The following TRAPPC12 variants were observed in gnomAD, a reference collection of about 807,000 sequenced individuals.
The protein encoded by TRAPPC12 is trafficking protein particle complex subunit 12, also known as TPR repeat protein 15.
A neutral mutation model predicts 69.2 loss-of-function variants in TRAPPC12; 61 were observed. That is an observed-to-expected ratio of 0.88 (90% CI 0.72 to 1.09). TRAPPC12 has a LOEUF of 1.09. Among genes scored for constraint, TRAPPC12 ranks in the 50% least tolerant of loss-of-function variants. The pLI is 0.00. For missense variants in TRAPPC12, 1,101 were observed against 1,016.4 expected (o/e 1.08, Z -1.13); for synonymous variants, 469 against 438.9 (o/e 1.07, Z -0.86).
intron 3 of TRAPPC12, among the ~76,000 whole-genome samples, chr2:3,412,663 G>T (rs752564087): frequency 7.2e-5 from 11 of 152,178 alleles, no homozygotes; most frequent in Non-Finnish European, 1.5e-4. Context: ...GCGTGTGAGG[G>T]CTCGGCGACA....
intron 6 of TRAPPC12, among the ~76,000 whole-genome samples, chr2:3,444,213 CCT>C (rs1448490082): frequency 2.0e-5 from 3 of 152,344 alleles, no homozygotes; most frequent in African/African-American, 4.8e-5. Context: ...CCAGACCACC[CCT>C]GTGTCCCACA....
Position 3,387,664 on chromosome 2 carries a change from A to C in TRAPPC12, c.41A>C (p.Glu14Ala). The C allele has an allele frequency of 6.4e-7, 1 of 1,550,498 alleles. No homozygotes were observed. Among genetic ancestry groups the C allele is most frequent in the Non-Finnish European group, 8.7e-7 (1 of 1,146,366 alleles). Residue 14 changes from glutamate (E) to alanine (A), a missense_variant, in exon 2 of 12, where the codon GAG becomes GCG. By Grantham distance (107) the Glu-to-Ala change is moderately radical. Transcript: ENST00000324266. ...AGGGEETPAP[E>A]APHPPQLAPP... ...GGCGGCGAGGAGACCCCGGCCCCGGAGGCCCCGCACCCCCCTCAGCTCGCG... is the reference window on the plus strand; with the variant it reads ...GGCGGCGAGGAGACCCCGGCCCCGGCGGCCCCGCACCCCCCTCAGCTCGCG...
At chr2:3,473,658 A>T (rs1432757439) in intron 9 of TRAPPC12, among the ~76,000 whole-genome samples, 2 of 151,982 alleles carry the variant, frequency 1.3e-5, no homozygotes, top group African/African-American at 4.8e-5. Context: ...TTTTGTAGAG[A>T]GGGGGTCTTG....
intron 2 of TRAPPC12, among the ~76,000 whole-genome samples, chr2:3,391,688 C>T (rs150737885): frequency 2.6e-5 from 4 of 152,240 alleles, no homozygotes; most frequent in East Asian, 1.9e-4. Flanking sequence ...ATACCAATTC[C>T]GGACTCTGAT....
intron 2 of TRAPPC12, 35 bp downstream of exon 2, chr2:3,388,705 C>G: frequency 6.7e-7 from 1 of 1,492,860 alleles, no homozygotes; most frequent in South Asian, 1.3e-5. Context: ...CAGCCCGTGC[C>G]TCCTCTCTGC....
chr2:3,396,896 T>C (rs1191011763), intron 2 of TRAPPC12, among the ~76,000 whole-genome samples: 1 of 152,090 alleles, frequency 6.6e-6, no homozygotes, highest in African/African-American at 2.4e-5. Context: ...CATGTGCCCA[T>C]AGTCACAGCT....
At chr2:3,475,609 T>C (rs1409037110) in intron 9 of TRAPPC12, among the ~76,000 whole-genome samples, 2 of 152,132 alleles carry the variant, frequency 1.3e-5, no homozygotes, top group African/African-American at 4.8e-5. Context: ...AGTCAGTGGG[T>C]AGCAAAGAAT....
At position 3,465,878 on chromosome 2, in the gene TRAPPC12, C is replaced by T. The variant is rs111957097; in HGVS notation, c.1776+183C>T. On this transcript the variant is annotated intron_variant, in intron 9 of 11. Transcript: ENST00000324266. ...GGAGTTCTGGTTTGACTGTGGGAGG[C>T]CCTGCTGGCTTTTGTGCCTGTTGCT... The T allele has an allele frequency of 1.1e-4, 64 of 596,196 alleles. No homozygotes were observed. The African/African-American group carries it at 1.1e-3, about 10-fold the overall frequency. 36.9% of individuals were successfully genotyped at this position (596,196 alleles called of 1,614,324 possible). A position where few individuals can be genotyped will look rare whatever the true frequency, so the allele number is the denominator to read the frequency against.
intron 6 of TRAPPC12, among the ~76,000 whole-genome samples, chr2:3,457,390 C>G (rs1665213801): frequency 6.6e-6 from 1 of 152,078 alleles, no homozygotes; most frequent in Non-Finnish European, 1.5e-5. Flanking sequence ...CTCAGCATCA[C>G]CCAGTATACC....
At chr2:3,434,204 T>C (rs1558379951) in intron 5 of TRAPPC12, among the ~76,000 whole-genome samples, 2 of 152,250 alleles carry the variant, frequency 1.3e-5, no homozygotes, top group African/African-American at 2.4e-5. Context: ...GTGCACCCAG[T>C]GCAGGCCCTC....
chr2:3,405,433 T>G (rs1047442691), intron 3 of TRAPPC12, among the ~76,000 whole-genome samples: 2 of 109,730 alleles, frequency 1.8e-5, no homozygotes, highest in Non-Finnish European at 4.1e-5. Flanking sequence ...ACCAAATGAC[T>G]TAGTATTTCT....
At chr2:3,381,350 C>T (rs1660198036) in intron 1 of TRAPPC12, among the ~76,000 whole-genome samples, 1 of 152,042 alleles carries the variant, frequency 6.6e-6, no homozygotes, top group African/African-American at 2.4e-5. Context: ...AGGAAATGAA[C>T]CTGAGAAACC....
At chr2:3,430,391 A>G (rs934243966) in intron 5 of TRAPPC12, among the ~76,000 whole-genome samples, 1 of 152,194 alleles carries the variant, frequency 6.6e-6, no homozygotes, top group African/African-American at 2.4e-5. Flanking sequence ...TTCACCAGTG[A>G]GTCTAAAATT....
At chr2:3,464,951 C>T (rs1665723756) in intron 8 of TRAPPC12, among the ~76,000 whole-genome samples, 1 of 152,234 alleles carries the variant, frequency 6.6e-6, no homozygotes, top group East Asian at 1.9e-4. Flanking sequence ...TTGGCAGAAA[C>T]CAGATGCCCT....
At position 3,387,616 on chromosome 2, in the gene TRAPPC12, T is replaced by A; in HGVS notation, c.-4-4T>A. The A allele has an allele frequency of 6.6e-7, 1 of 1,523,574 alleles. No homozygotes were observed. The highest frequency in any genetic ancestry group is 8.8e-7 in the Non-Finnish European group (1 of 1,130,762). The allele number at this position is 1,523,574 out of a possible 1,614,324, so 94.4% of individuals were successfully genotyped here. On this transcript the variant is annotated splice_region_variant and splice_polypyrimidine_tract_variant and intron_variant, in intron 1 of 11. Coordinates refer to ENST00000324266, the MANE Select transcript of TRAPPC12 (RefSeq NM_016030.6). ...AGGGGCCTTCTCTCTGTCTTTGCTT[T>A]CAGGGTCATGGAGGACGCTGGCGGC...
intron 3 of TRAPPC12, among the ~76,000 whole-genome samples, chr2:3,410,476 A>G (rs938861335): frequency 2.6e-5 from 4 of 152,210 alleles, no homozygotes; most frequent in Non-Finnish European, 5.9e-5. Context: ...AAGGCTTTTT[A>G]TATGATATGT....
At chr2:3,412,981 C>T (rs1326109081) in intron 3 of TRAPPC12, among the ~76,000 whole-genome samples, 1 of 152,176 alleles carries the variant, frequency 6.6e-6, no homozygotes. Context: ...GTACAGATAT[C>T]TTGTTCATTT....
intron 2 of TRAPPC12, among the ~76,000 whole-genome samples, chr2:3,398,992 C>A (rs970362603): frequency 6.6e-6 from 1 of 152,164 alleles, no homozygotes; most frequent in Admixed American, 6.5e-5. Context: ...TGCACAGTAA[C>A]GGCTAGAGGA....
Position 3,426,927 on chromosome 2 carries a change from T to C in TRAPPC12, c.1417+2264T>C, listed in dbSNP as rs564846164. ...GTAAATTAACTGGGCTCCCTGATTCTGTCGTGTCCCTTTCTTGTCTCCACT... is the reference window on the plus strand; with the variant it reads ...GTAAATTAACTGGGCTCCCTGATTCCGTCGTGTCCCTTTCTTGTCTCCACT... On this transcript the variant is annotated intron_variant, in intron 5 of 11. Coordinates refer to ENST00000324266, the MANE Select transcript of TRAPPC12 (RefSeq NM_016030.6). Among the ~76,000 whole-genome samples the C allele has an allele frequency of 2.0e-5, 3 of 152,384 alleles. No homozygotes were observed. In the East Asian group the frequency reaches 5.8e-4, roughly 29 times the overall value.
Sources: gnomAD v4.1 joint callset for allele counts (sites outside exome capture counted in the v4.1 genomes callset) on GRCh38, gnomAD v4.1.1 for gene constraint, MANE v1.5 for transcripts, NCBI Gene and HGNC (gene_info 2026-07-23, HGNC 2026-07-21) for gene names.